Variants in ODR4 observed in about 807,000 individuals in gnomAD.
ODR4 encodes odr-4 GPCR localization factor homolog.
A neutral mutation model predicts 60.2 loss-of-function variants in ODR4; 47 were observed. The observed-to-expected ratio is 0.78, with a 90% CI of 0.62 to 1.00. The LOEUF (loss-of-function observed/expected upper bound fraction) is 1.00. Ranked by LOEUF, ODR4 falls within the 50% of genes least tolerant of loss-of-function variation. The probability of loss-of-function intolerance (pLI) is 0.00; values close to 1 mark genes in which losing one functional copy is unlikely to be tolerated. For missense variants in ODR4, 488 were observed against 530.8 expected (o/e 0.92, Z 0.79); for synonymous variants, 178 against 175.5 (o/e 1.01, Z -0.11).
At chr1:186,395,849 C>T (rs1660650293) in intron 9 of ODR4, among the ~76,000 whole-genome samples, 1 of 152,094 alleles carries the variant, frequency 6.6e-6, no homozygotes, top group African/African-American at 2.4e-5. Flanking sequence ...AACAGCCGGA[C>T]ACTGATTATG....
At position 186,383,010 on chromosome 1, in the gene ODR4, T is replaced by G; in HGVS notation, c.100-12T>G. 6.3e-7 allele frequency: 1 copy of G among 1,575,070 alleles called. No homozygotes were observed. Among genetic ancestry groups the G allele is most frequent in the East Asian group, 2.3e-5 (1 of 43,772 alleles). On this transcript the variant is annotated splice_polypyrimidine_tract_variant and intron_variant, in intron 2 of 13. Transcript: ENST00000287859. ...ATATCACTCTAACAAGCTTTTTAAT[T>G]TGTTGTTGAAGTGTTCGTCACAAAA...
At chr1:186,382,093 A>G (rs1456152694) in intron 2 of ODR4, among the ~76,000 whole-genome samples, 2 of 152,068 alleles carry the variant, frequency 1.3e-5, no homozygotes, top group East Asian at 3.9e-4. Flanking sequence ...AACTTTGGTT[A>G]CTACTTAACT....
At chr1:186,400,015 G>A (rs1181841315) in intron 11 of ODR4, among the ~76,000 whole-genome samples, 4 of 113,146 alleles carry the variant, frequency 3.5e-5, no homozygotes, top group South Asian at 2.7e-4. Flanking sequence ...TTTTTGAGAC[G>A]GAGTTTCGCT....
At chr1:186,423,193 A>G (rs1012435545), downstream of ODR4, among the ~76,000 whole-genome samples, 1 of 152,184 alleles carries the variant, frequency 6.6e-6, no homozygotes, top group African/African-American at 2.4e-5. Context: ...CTAACATTTT[A>G]TACAAGCTCT....
Position 186,383,029 on chromosome 1 carries a change from C to T in ODR4, c.107C>T (p.Ser36Leu), listed in dbSNP as rs1183553530. 4 of 1,583,712 alleles carry T rather than the reference C, an allele frequency of 2.5e-6. No homozygotes were observed. The highest frequency in any genetic ancestry group is 2.3e-5 in the East Asian group (1 of 44,032). ...TTTAATTTGTTGTTGAAGTGTTCGT[C>T]ACAAAAGGATTATGTGATTCTTGCC... The part of the protein sequence containing the change: ...VSGLLIGQCS[S>L]QKDYVILATR... Residue 36 changes from serine to leucine, a missense_variant, in exon 3 of 14, where the codon TCA becomes TTA. Transcript: ENST00000287859.
intron 12 of ODR4, chr1:186,411,794 C>G: frequency 2.4e-6 from 2 of 838,112 alleles, no homozygotes; most frequent in Non-Finnish European, 2.9e-6. Context: ...CTATATTTCT[C>G]TTTTTTATGC....
chr1:186,381,529 G>A (rs1416382528), intron 2 of ODR4, among the ~76,000 whole-genome samples: 1 of 151,944 alleles, frequency 6.6e-6, no homozygotes, highest in Non-Finnish European at 1.5e-5. Flanking sequence ...GGGTTTCACC[G>A]TGTTAGCCAG....
intron 4 of ODR4, 130 bp downstream of exon 4, chr1:186,386,213 G>GA (rs1242567568): frequency 5.7e-6 from 3 of 524,872 alleles, no homozygotes; most frequent in Non-Finnish European, 9.5e-6. Flanking sequence ...GGGTTACATT[G>GA]AAAAAGCTTT....
In ODR4 at chr1:186,399,158, G is replaced by A. The variant is rs1301262513; in HGVS notation, c.1000+114G>A. On this transcript the variant is annotated intron_variant, in intron 11 of 13. Coordinates refer to ENST00000287859, the MANE Select transcript of ODR4 (RefSeq NM_017847.6). Reference sequence around the variant, plus strand: ...AGCTACCTATCTATATTTTCAAGCAGTATATCATCTTTTATTATTGGATGA... The same window carrying A: ...AGCTACCTATCTATATTTTCAAGCAATATATCATCTTTTATTATTGGATGA... The A allele has an allele frequency of 1.4e-5, 10 of 733,190 alleles. No homozygotes were observed. The East Asian group carries it at 2.4e-4, about 18-fold the overall frequency. The allele number at this position is 733,190 out of a possible 1,614,324, so 45.4% of individuals were successfully genotyped here. A position where few individuals can be genotyped will look rare whatever the true frequency, so the allele number is the denominator to read the frequency against.
rs1446824689 is a variant in ODR4, at chr1:186,398,383, CTGTGA to C, written c.852_856del (p.Val285MetfsTer9). The stretch of plus-strand genomic sequence containing the variant: ...AGCGGTTCTGTAAACCTTAAGGGTG[CTGTGA>C]AATGCAGAGCTTATATCCACAGCAG... On this transcript the variant is annotated frameshift_variant, in exon 10 of 14. Coordinates refer to ENST00000287859, the MANE Select transcript of ODR4 (RefSeq NM_017847.6). LOFTEE classifies it high-confidence loss of function. 1 of 1,611,110 alleles carries C rather than the reference CTGTGA, an allele frequency of 6.2e-7. No homozygotes were observed. The highest frequency in any genetic ancestry group is 8.5e-7 in the Non-Finnish European group (1 of 1,178,310).
rs535188087 is a variant in ODR4 at position 186,404,310 on chromosome 1, C to A, written c.1001-1773C>A. Among the ~76,000 whole-genome samples the A allele has an allele frequency of 2.2e-4, 33 of 152,290 alleles. No homozygotes were observed. In the South Asian group the frequency reaches 6.8e-3, roughly 32 times the overall value. On this transcript the variant is annotated intron_variant, in intron 11 of 13. Coordinates refer to ENST00000287859, the MANE Select transcript of ODR4 (RefSeq NM_017847.6). ...ACAGAAAACGAGTCTTACTTAGATA[C>A]TAAATTGCTAATTTAACTTCTTAAT...
At position 186,417,614 on chromosome 1, in the gene ODR4, A is replaced by G. The variant is rs566289258; in HGVS notation, c.1257A>G (p.Pro419=). Residue 419 remains proline, a synonymous_variant, in exon 13 of 14, where the codon CCA becomes CCG. Coordinates refer to ENST00000287859, the MANE Select transcript of ODR4 (RefSeq NM_017847.6). ...DNTDDEQPKQ[P]IKTTMLLKIQ... ...CAGATGATGAACAACCAAAACAACC[A>G]ATTAAAACTACAATGTTATTGAAAA... is the stretch of plus-strand genomic sequence containing the variant. The G allele has an allele frequency of 1.9e-6, 3 of 1,600,962 alleles. No homozygotes were observed. The Admixed American group carries it at 5.1e-5, about 27-fold the overall frequency.
chr1:186,382,249 TA>T (rs1189752791), intron 2 of ODR4, among the ~76,000 whole-genome samples: 3,795 of 79,906 alleles, frequency 0.047, 164 homozygotes, highest in African/African-American at 0.17. Context: ...TACAAAAAAG[TA>T]AAAAAAAAAA....
At chr1:186,383,499 TAGGTGCAGCA>T (rs929317705) in intron 3 of ODR4, among the ~76,000 whole-genome samples, 2 of 152,086 alleles carry the variant, frequency 1.3e-5, no homozygotes, top group African/African-American at 4.8e-5. Context: ...GACAGGTCAA[TAGGTGCAGCA>T]AGCCACCATG....
rs1000113607 is a variant in ODR4, at chr1:186,400,913, C to T, written c.1000+1869C>T. On this transcript the variant is annotated intron_variant, in intron 11 of 13. Coordinates refer to ENST00000287859, the MANE Select transcript of ODR4 (RefSeq NM_017847.6). ...CACATAGTCCATCAGTCTAGCAGCC[C>T]CATCTCAGTGTGGCTTTGTTTTTGC... 4.0e-6 allele frequency: 3 copies of T among 756,856 alleles called. No individual in the cohort carries two copies. In the African/African-American group the frequency reaches 5.3e-5, roughly 13 times the overall value. The allele number at this position is 756,856 out of a possible 1,614,324, so 46.9% of individuals were successfully genotyped here.
chr1:186,428,163 A>G, the ODR4 span, among the ~76,000 whole-genome samples: 3 of 152,196 alleles, frequency 2.0e-5, no homozygotes, highest in Non-Finnish European at 4.4e-5. Flanking sequence ...CTCTCTAGCT[A>G]TGAAAGTAGA....
At chr1:186,423,060 A>G (rs1459375401), downstream of ODR4, among the ~76,000 whole-genome samples, 3 of 152,190 alleles carry the variant, frequency 2.0e-5, no homozygotes, top group South Asian at 2.1e-4. Context: ...GAAAACTGCA[A>G]TTTACTTAAA....
chr1:186,426,422 A>G, the ODR4 span, among the ~76,000 whole-genome samples: 1 of 152,226 alleles, frequency 6.6e-6, no homozygotes, highest in Non-Finnish European at 1.5e-5. Flanking sequence ...CACATGGTTG[A>G]CAGTTTATCT....
chr1:186,401,027 G>C, intron 11 of ODR4: 1 of 1,584,268 alleles, frequency 6.3e-7, no homozygotes. Flanking sequence ...TGCATTGCAG[G>C]TTTCAGGATT....
Sources: gnomAD v4.1 joint callset for allele counts (sites outside exome capture counted in the v4.1 genomes callset) on GRCh38, gnomAD v4.1.1 for gene constraint, MANE v1.5 for transcripts, NCBI Gene and HGNC (gene_info 2026-07-23, HGNC 2026-07-21) for gene names.